SP1: variants seen among roughly 807,000 people sequenced by gnomAD.
The protein encoded by SP1 is Sp1 transcription factor.
In SP1, 6 loss-of-function variants were observed where a neutral mutation model predicts 66.3. The observed-to-expected ratio is 0.09, with a 90% CI of 0.05 to 0.18. The LOEUF is 0.18. Ranked by LOEUF, SP1 falls within the 10% of genes least tolerant of loss-of-function variation. SP1 has a pLI of 1.00. For missense variants in SP1, 848 were observed against 964.5 expected (o/e 0.88, Z 1.60); for synonymous variants, 417 against 360.8 (o/e 1.16, Z -1.77).
In SP1 at chr12:53,396,811, A is replaced by AT. The variant is rs945158477; in HGVS notation, c.1676-9764dup. Among the ~76,000 whole-genome samples the AT allele has an allele frequency of 2.4e-3, 353 of 149,310 alleles. 1 individual carries two copies. The highest frequency in any genetic ancestry group is 8.2e-3 in the African/African-American group (335 of 40,810). On this transcript the variant is annotated intron_variant, in intron 3 of 5. Coordinates refer to ENST00000327443, the MANE Select transcript of SP1 (RefSeq NM_138473.3). ...TTATTAGATTATTTATTAAAATACA[A>AT]TTTTTTTTTTAGAGTGTGAACATGG...
chr12:53,410,728 C>G (rs1474690418), intron 5 of SP1, among the ~76,000 whole-genome samples, 199 bp from the exon 6 acceptor site: 1 of 152,028 alleles, frequency 6.6e-6, no homozygotes, highest in Non-Finnish European at 1.5e-5. Context: ...CTCCTGACCT[C>G]GTGATCTGCC....
intron 3 of SP1, among the ~76,000 whole-genome samples, chr12:53,391,910 C>A (rs952382554): frequency 6.6e-6 from 1 of 151,996 alleles, no homozygotes; most frequent in Non-Finnish European, 1.5e-5. Flanking sequence ...TGCATCCAGA[C>A]ATGGATGCAA....
At chr12:53,394,708 G>A (rs908945327) in intron 3 of SP1, among the ~76,000 whole-genome samples, 5 of 137,588 alleles carry the variant, frequency 3.6e-5, no homozygotes, top group East Asian at 2.3e-4. Context: ...TCCACTTCCC[G>A]GGTTCATGCC....
At chr12:53,392,623 C>G (rs1938380929) in intron 3 of SP1, among the ~76,000 whole-genome samples, 1 of 151,716 alleles carries the variant, frequency 6.6e-6, no homozygotes, top group African/African-American at 2.4e-5. Flanking sequence ...TCCCAAAGTG[C>G]TGGGATTACA....
chr12:53,406,053 G>A (rs1261102433), intron 3 of SP1, among the ~76,000 whole-genome samples: 46 of 145,948 alleles, frequency 3.2e-4, no homozygotes, highest in African/African-American at 1.1e-3. Context: ...ATTGGCTCTT[G>A]GTATTTTCTT....
At position 53,394,577 on chromosome 12, in the gene SP1, TTTC is replaced by T. The variant is rs1387728797; in HGVS notation, c.1675+10961_1675+10963del. Among the ~76,000 whole-genome samples the T allele has an allele frequency of 2.8e-5, 4 of 142,268 alleles. No homozygotes were observed. The Admixed American group carries it at 2.9e-4, about 10-fold the overall frequency. The allele number at this position is 142,268 out of a possible 152,430, so 93.3% of individuals were successfully genotyped here. A position where few individuals can be genotyped will look rare whatever the true frequency, so the allele number is the denominator to read the frequency against. On this transcript the variant is annotated intron_variant, in intron 3 of 5. Transcript: ENST00000327443. ...GCCACTGTGCTGCGTGGTCTTTTCT[TTTC>T]TTCTTTTTTTTTTTTGGAGATAAGG...
chr12:53,396,950 G>T (rs972058530), intron 3 of SP1, among the ~76,000 whole-genome samples: 1 of 151,740 alleles, frequency 6.6e-6, no homozygotes, highest in African/African-American at 2.4e-5. Flanking sequence ...CTTGAGAGTT[G>T]TTCTGTTTTC....
rs1326162606 is a variant in SP1 at position 53,414,017 on chromosome 12, A to G, written c.*2777A>G. On this transcript the variant is annotated 3_prime_UTR_variant, in exon 6 of 6. Coordinates refer to ENST00000327443, the MANE Select transcript of SP1 (RefSeq NM_138473.3). Reference sequence around the variant, plus strand: ...ACAGAAGCAGCTTCTTTTGTCTCCCAGCAGTAGTGAGCCACTCAGTCTCTT... The same window carrying G: ...ACAGAAGCAGCTTCTTTTGTCTCCCGGCAGTAGTGAGCCACTCAGTCTCTT... The G allele has an allele frequency of 6.6e-6, 1 of 152,174 alleles. No homozygotes were observed. Among genetic ancestry groups the G allele is most frequent in the Non-Finnish European group, 1.5e-5 (1 of 68,026 alleles). 9.4% of individuals were successfully genotyped at this position (152,174 alleles called of 1,614,324 possible).
At position 53,412,801 on chromosome 12, in the gene SP1, C is replaced by T. The variant is rs1392208554; in HGVS notation, c.*1561C>T. ...AATTATAACGGCAGGGAACCTAGTG[C>T]ATTTGGCACTGAGATTTAAATGCAA... On this transcript the variant is annotated 3_prime_UTR_variant, in exon 6 of 6. Transcript: ENST00000327443. 1 of 152,568 alleles carries T rather than the reference C, an allele frequency of 6.6e-6. No homozygotes were observed. The highest frequency in any genetic ancestry group is 1.5e-5 in the Non-Finnish European group (1 of 68,040). 9.5% of individuals were successfully genotyped at this position (152,568 alleles called of 1,614,324 possible).
intron 3 of SP1, among the ~76,000 whole-genome samples, chr12:53,387,636 C>G (rs1938260181): frequency 6.6e-6 from 1 of 152,252 alleles, no homozygotes; most frequent in South Asian, 2.1e-4. Context: ...GCTAGTTTTA[C>G]TAGTCTAGGG....
At chr12:53,389,374 A>G (rs1473977018) in intron 3 of SP1, among the ~76,000 whole-genome samples, 1 of 151,624 alleles carries the variant, frequency 6.6e-6, no homozygotes, top group Non-Finnish European at 1.5e-5. Flanking sequence ...ACGCCTGGCT[A>G]ATTTTTGTAT....
At chr12:53,389,568 A>T (rs1191437455) in intron 3 of SP1, among the ~76,000 whole-genome samples, 1 of 149,612 alleles carries the variant, frequency 6.7e-6, no homozygotes, top group Non-Finnish European at 1.5e-5. Context: ...GATGGTCTCG[A>T]TCTCCTGGCC....
At chr12:53,385,009 G>A (rs1008002883) in intron 3 of SP1, among the ~76,000 whole-genome samples, 3 of 151,074 alleles carry the variant, frequency 2.0e-5, no homozygotes, top group East Asian at 1.9e-4. Context: ...AAAATTAGTC[G>A]GGTGGCTGGG....
intron 3 of SP1, among the ~76,000 whole-genome samples, chr12:53,405,697 AGGAAGGAG>A (rs58778950): frequency 4.0e-5 from 6 of 149,250 alleles, no homozygotes; most frequent in Non-Finnish European, 5.9e-5. Flanking sequence ...GAGAGAGAGA[AGGAAGGAG>A]GGAAGGAGGG....
In SP1 at chr12:53,406,654, G is replaced by A. The variant is rs1219390386; in HGVS notation, c.1745G>A (p.Gly582Glu). ...GDGIHDDTAGGEEGENSPDAQ... is the reference protein window; with the variant it reads ...GDGIHDDTAGEEEGENSPDAQ... ...GGAATACATGATGACACAGCAGGTG[G>A]AGAGGAAGGAGAAAACAGCCCAGAT... The change falls in exon 4 of 6, where the codon GGA (glycine) becomes GAA (glutamate). Residue 582 changes from glycine (G) to glutamate (E), a missense_variant. By Grantham distance (98) the Gly-to-Glu change is moderately conservative. Transcript: ENST00000327443. The A allele has an allele frequency of 1.2e-6, 2 of 1,613,974 alleles. No individual in the cohort carries two copies. The highest frequency in any genetic ancestry group is 2.2e-5 in the East Asian group (1 of 44,894).
chr12:53,389,216 C>CTTTTTT (rs71443297), intron 3 of SP1, among the ~76,000 whole-genome samples: 3 of 106,710 alleles, frequency 2.8e-5, no homozygotes, highest in East Asian at 2.7e-4. Context: ...TTAAAATGAT[C>CTTTTTT]TTTTTTTTTT....
At chr12:53,409,221 T>TC in intron 4 of SP1, 141 bp from the exon 5 acceptor site, 1 of 685,622 alleles carries the variant, frequency 1.5e-6, no homozygotes, top group South Asian at 1.9e-5. Context: ...TGAGACTCTC[T>TC]CAAAAAAACA....
At chr12:53,380,423 G>C in intron 1 of SP1, 125 bp downstream of exon 1, 1 of 852,300 alleles carries the variant, frequency 1.2e-6, no homozygotes, top group Non-Finnish European at 1.6e-6. Context: ...GGCGGCCTAG[G>C]TCCCGCCCGG....
At chr12:53,381,282 A>C (rs1021501510) in intron 1 of SP1, 2 of 159,770 alleles carry the variant, frequency 1.3e-5, no homozygotes, top group South Asian at 1.6e-4. Flanking sequence ...AATTTTAGCA[A>C]GCTTTCCATG....
Sources: gnomAD v4.1 joint callset for allele counts (sites outside exome capture counted in the v4.1 genomes callset) on GRCh38, gnomAD v4.1.1 for gene constraint, MANE v1.5 for transcripts, NCBI Gene and HGNC (gene_info 2026-07-23, HGNC 2026-07-21) for gene names.